Variants in ZNF571 observed in about 807,000 individuals in gnomAD.
ZNF571 encodes the protein zinc finger protein 571.
A neutral mutation model predicts 7.7 loss-of-function variants in ZNF571; 4 were observed. That is an observed-to-expected ratio of 0.52 (90% confidence interval 0.25 to 1.18). The LOEUF (loss-of-function observed/expected upper bound fraction) is 1.18. Ranked by LOEUF, ZNF571 falls within the 50% of genes most tolerant of loss-of-function variation. The pLI is 0.14. For synonymous variants in ZNF571, 251 were observed against 232.4 expected, an observed-to-expected ratio of 1.08 and a Z score of -0.73; for missense variants, 704 against 726.9, an observed-to-expected ratio of 0.97 and a Z score of 0.36.
chr19:37,594,169 T>C (rs973379188), intron 1 of ZNF571: 19 of 152,368 alleles, frequency 1.2e-4, no homozygotes, highest in African/African-American at 4.6e-4. Context: ...CCTAAGACAC[T>C]TCCAGGGGTA....
At chr19:37,590,617 A>G (rs915584640) in intron 1 of ZNF571, among the ~76,000 whole-genome samples, 1 of 152,196 alleles carries the variant, frequency 6.6e-6, no homozygotes, top group African/African-American at 2.4e-5. Flanking sequence ...GAAAATTACT[A>G]TCAGGTAGTT....
chr19:37,575,280 A>T (rs1236503839), intron 3 of ZNF571, among the ~76,000 whole-genome samples: 1 of 152,230 alleles, frequency 6.6e-6, no homozygotes, highest in Non-Finnish European at 1.5e-5. Flanking sequence ...TACATTGTAT[A>T]TACATGTGTA....
chr19:37,572,144 C>T (rs1414543714), intron 3 of ZNF571, among the ~76,000 whole-genome samples: 1 of 152,112 alleles, frequency 6.6e-6, no homozygotes, highest in Non-Finnish European at 1.5e-5. Context: ...ACTTCTGTTA[C>T]CCCTATCACT....
At chr19:37,586,281 T>C (rs2043670666) in intron 2 of ZNF571, 2 of 170,404 alleles carry the variant, frequency 1.2e-5, no homozygotes, top group Admixed American at 6.3e-5. Context: ...TGCTATCACT[T>C]TCAAATGGAA....
At chr19:37,578,358 G>T (rs754864007) in intron 3 of ZNF571, among the ~76,000 whole-genome samples, 3 of 152,152 alleles carry the variant, frequency 2.0e-5, no homozygotes, top group Non-Finnish European at 4.4e-5. Flanking sequence ...GTGAAACGGT[G>T]AGAGAGTGAG....
intron 3 of ZNF571, among the ~76,000 whole-genome samples, chr19:37,578,455 G>C (rs1308100494): frequency 6.6e-6 from 1 of 152,168 alleles, no homozygotes; most frequent in Non-Finnish European, 1.5e-5. Flanking sequence ...TGGGCCACTA[G>C]ACCAACACAG....
intron 1 of ZNF571, chr19:37,587,008 C>T: frequency 3.3e-6 from 1 of 304,376 alleles, no homozygotes; most frequent in Non-Finnish European, 6.0e-6. Flanking sequence ...AGGGAGCCCC[C>T]CACCATCCTC....
chr19:37,564,800 G>A lies in ZNF571; in HGVS notation c.1628C>T (p.Ser543Leu). 1.9e-6 allele frequency: 3 copies of A among 1,613,854 alleles called. No homozygotes were observed. The highest frequency in any genetic ancestry group is 2.5e-6 in the Non-Finnish European group (3 of 1,179,910). ...KQCGKAFIRG[S>L]HLTEHLRTHT... is the part of the protein sequence containing the mutation. ...AGTTCTCAGATGTTCAGTAAGGTGTGAGCCACGAATAAAAGCCTTCCCACA... is the reference window on the plus strand; with the variant it reads ...AGTTCTCAGATGTTCAGTAAGGTGTAAGCCACGAATAAAAGCCTTCCCACA... Residue 543 changes from serine (S) to leucine (L), a missense_variant, in exon 4 of 4, where the codon TCA becomes TTA. Transcript: ENST00000451802.
At position 37,565,398 on chromosome 19, in the gene ZNF571, AG is replaced by A. The variant is rs1278724621; in HGVS notation, c.1029del (p.Leu345TyrfsTer6). 4.3e-6 allele frequency: 7 copies of A among 1,613,744 alleles called. No homozygotes were observed. Among genetic ancestry groups the A allele is most frequent in the Non-Finnish European group, 5.9e-6 (7 of 1,179,876 alleles). On this transcript the variant is annotated frameshift_variant, in exon 4 of 4. Transcript: ENST00000451802. LOFTEE classifies it low-confidence loss of function (END_TRUNC). ...KPYICKECGK[A>X]FLCASQLNEH... is the part of the protein sequence containing the mutation. ...TCATTCAGTTGGGAGGCACATAAAA[AG>A]GCTTTCCCACATTCTTTACATATGT...
At chr19:37,574,783 C>G (rs1435368652) in intron 3 of ZNF571, among the ~76,000 whole-genome samples, 5 of 152,140 alleles carry the variant, frequency 3.3e-5, no homozygotes, top group Non-Finnish European at 5.9e-5. Context: ...CTTCTCCTTC[C>G]TTATCTCACT....
intron 1 of ZNF571, among the ~76,000 whole-genome samples, chr19:37,590,431 GA>G (rs142347588): frequency 0.27 from 40,419 of 149,536 alleles, 6,430 homozygotes; most frequent in Non-Finnish European, 0.37. Flanking sequence ...AAAAGAAGAA[GA>G]AAAAAAAAGC....
intron 1 of ZNF571, chr19:37,594,287 CG>C (rs995661510): frequency 2.6e-5 from 4 of 152,242 alleles, no homozygotes; most frequent in African/African-American, 7.2e-5. Flanking sequence ...CCGTGTCACA[CG>C]AGGAGTACTG....
In ZNF571 at chr19:37,564,817, CT is replaced by C. The variant is rs750083955; in HGVS notation, c.1610del (p.Lys537ArgfsTer13). 6.2e-7 allele frequency: 1 copy of C among 1,613,822 alleles called. No individual in the cohort carries two copies. The highest frequency in any genetic ancestry group is 1.1e-5 in the South Asian group (1 of 91,052). The stretch of plus-strand genomic sequence containing the variant: ...TAAGGTGTGAGCCACGAATAAAAGC[CT>C]TCCCACACTGTTTACATTCATAAGG... ...EKPYECKQCG[K>X]AFIRGSHLTE... On this transcript the variant is annotated frameshift_variant, in exon 4 of 4. Transcript: ENST00000451802. LOFTEE classifies it low-confidence loss of function (END_TRUNC).
At chr19:37,592,191 G>T (rs776110040) in intron 1 of ZNF571, among the ~76,000 whole-genome samples, 3 of 152,054 alleles carry the variant, frequency 2.0e-5, no homozygotes, top group Non-Finnish European at 4.4e-5. Context: ...CTGGGAGGTG[G>T]ATGCTGCAGT....
chr19:37,573,644 C>CAGTAG (rs1280500328), intron 3 of ZNF571, among the ~76,000 whole-genome samples: 1 of 143,242 alleles, frequency 7.0e-6, no homozygotes, highest in East Asian at 2.0e-4. Context: ...CTGGGCAACA[C>CAGTAG]AGTAGACACA....
intron 1 of ZNF571, among the ~76,000 whole-genome samples, chr19:37,587,766 T>C (rs1415640076): frequency 6.6e-6 from 1 of 152,050 alleles, no homozygotes; most frequent in African/African-American, 2.4e-5. Context: ...TGTACTAAGA[T>C]TTTGTCCTCC....
intron 1 of ZNF571, among the ~76,000 whole-genome samples, chr19:37,592,180 C>A (rs1393530221): frequency 3.3e-5 from 5 of 152,048 alleles, no homozygotes; most frequent in Non-Finnish European, 7.4e-5. Context: ...ACCTTTTGAA[C>A]CTGGGAGGTG....
intron 1 of ZNF571, among the ~76,000 whole-genome samples, chr19:37,590,798 T>G (rs1002356023): frequency 6.6e-6 from 1 of 152,324 alleles, no homozygotes; most frequent in African/African-American, 2.4e-5. Context: ...GAGTACTGAT[T>G]TTTAATTAAG....
In ZNF571 at chr19:37,564,643, A is replaced by G. The variant is rs370071935; in HGVS notation, c.1785T>C (p.Phe595=). 9.3e-5 allele frequency: 147 copies of G among 1,582,092 alleles called. 2 individuals carry two copies. The highest frequency in any genetic ancestry group is 4.6e-4 in the South Asian group (39 of 85,694). The change falls in exon 4 of 4, where the codon TTT becomes TTC. Residue 595 remains phenylalanine, a synonymous_variant. Coordinates refer to ENST00000451802, the MANE Select transcript of ZNF571 (RefSeq NM_016536.5). ...GTTGAGTAAGTTGTGAAGGACATCT[A>G]AAGTCTTTACCACACTGGACACATG... ...PYTCVQCGKD[F]RCPSQLTQHT...
Sources: allele counts gnomAD v4.1 joint callset (sites outside exome capture counted in the v4.1 genomes callset), GRCh38; gene constraint gnomAD v4.1.1; transcripts MANE v1.5; gene names NCBI Gene and HGNC (gene_info 2026-07-23, HGNC 2026-07-21).